Variants in ZCCHC24 observed in about 807,000 individuals in gnomAD.
ZCCHC24 encodes zinc finger CCHC-type containing 24.
A neutral mutation model predicts 26.2 loss-of-function variants in ZCCHC24; 10 were observed. The ratio of observed to expected loss-of-function variants is 0.38; its 90% CI spans 0.24 to 0.65. The LOEUF is 0.65. Among genes scored for constraint, ZCCHC24 ranks in the 30% least tolerant of loss-of-function variants. ZCCHC24 has a pLI of 0.54. For missense variants in ZCCHC24, 243 were observed against 329.1 expected (o/e 0.74, Z 2.03); for synonymous variants, 144 against 147.1 (o/e 0.98, Z 0.15).
intron 1 of ZCCHC24, among the ~76,000 whole-genome samples, chr10:79,443,050 C>A (rs1282462464): frequency 1.6e-4 from 25 of 152,268 alleles, no homozygotes; most frequent in Non-Finnish European, 7.4e-5. Context: ...ATAGATATAC[C>A]ATCCTGGGGT....
intron 2 of ZCCHC24, among the ~76,000 whole-genome samples, chr10:79,402,526 C>T (rs1413705412): frequency 6.6e-6 from 1 of 152,250 alleles, no homozygotes; most frequent in Admixed American, 6.5e-5. Context: ...ACGCCCGCCT[C>T]GGCCTCCCAA....
intron 2 of ZCCHC24, among the ~76,000 whole-genome samples, chr10:79,406,127 A>G (rs1324752037): frequency 6.6e-6 from 1 of 152,220 alleles, no homozygotes; most frequent in African/African-American, 2.4e-5. Flanking sequence ...CTGGCCACGC[A>G]CACAACCTGT....
intron 2 of ZCCHC24, among the ~76,000 whole-genome samples, chr10:79,430,209 T>C (rs1857106362): frequency 6.6e-6 from 1 of 152,134 alleles, no homozygotes; most frequent in Non-Finnish European, 1.5e-5. Context: ...CTTAGCCTCA[T>C]GGGACAGGCG....
intron 2 of ZCCHC24, among the ~76,000 whole-genome samples, chr10:79,413,507 TAC>T (rs1477517415): frequency 8.5e-5 from 13 of 152,346 alleles, no homozygotes; most frequent in African/African-American, 3.1e-4. Flanking sequence ...TCCGCCAGGC[TAC>T]AGGCTTTAAA....
intron 2 of ZCCHC24, among the ~76,000 whole-genome samples, chr10:79,417,955 G>T (rs1250266428): frequency 2.0e-5 from 3 of 152,134 alleles, no homozygotes; most frequent in African/African-American, 7.2e-5. Context: ...GCCCCAGCTG[G>T]GCCACCTCCC....
rs78884079 is a variant in ZCCHC24, at chr10:79,444,551, A to T, written c.246+644T>A. ...TCCTTCGAGGCTGGGAGGGCTGGGG[A>T]CAGCGCAGTCTGTGGGGTCAAGCCC... On this transcript the variant is annotated intron_variant, in intron 1 of 3. Transcript: ENST00000372336. Among the ~76,000 whole-genome samples, 1,421 of 149,928 alleles carry T rather than the reference A, an allele frequency of 9.5e-3. 55 individuals carry two copies. The East Asian group carries it at 0.14, about 15-fold the overall frequency.
In ZCCHC24 at chr10:79,392,757, C is replaced by T. The variant is rs577095195; in HGVS notation, c.612+1519G>A. ...GCTCCATGGACACTGCCTTGACTTT[C>T]AGGCCAGCTACAAATCAGCACCTCC... On this transcript the variant is annotated intron_variant, in intron 3 of 3. Coordinates refer to ENST00000372336, the MANE Select transcript of ZCCHC24 (RefSeq NM_153367.4). Among the ~76,000 whole-genome samples the T allele has an allele frequency of 1.1e-3, 171 of 152,374 alleles. 3 individuals carry two copies. Among genetic ancestry groups the T allele is most frequent in the African/African-American group, 4.0e-3 (168 of 41,586 alleles).
At position 79,386,044 on chromosome 10, in the gene ZCCHC24, G is replaced by T. The variant is rs1856387215; in HGVS notation, c.*301C>A. The T allele has an allele frequency of 1.1e-5, 6 of 532,566 alleles. No individual in the cohort carries two copies. The South Asian group carries it at 1.8e-4, about 16-fold the overall frequency. 33.0% of individuals were successfully genotyped at this position (532,566 alleles called of 1,614,324 possible). ...GAGGCTCTCAGAGGCGAGCCTGTGGGGACACCCAGGGCTCCTGGACATGGG... is the reference window on the plus strand; with the variant it reads ...GAGGCTCTCAGAGGCGAGCCTGTGGTGACACCCAGGGCTCCTGGACATGGG... On this transcript the variant is annotated 3_prime_UTR_variant, in exon 4 of 4. Transcript: ENST00000372336.
chr10:79,416,932 AAT>A (rs1483676773), intron 2 of ZCCHC24, among the ~76,000 whole-genome samples: 1 of 152,122 alleles, frequency 6.6e-6, no homozygotes, highest in Non-Finnish European at 1.5e-5. Flanking sequence ...CTGTGCTGTT[AAT>A]ATGTTTCCCT....
intron 2 of ZCCHC24, among the ~76,000 whole-genome samples, chr10:79,421,847 T>C (rs533529554): frequency 1.5e-4 from 23 of 152,242 alleles, no homozygotes; most frequent in Admixed American, 5.2e-4. Flanking sequence ...CGGGCTGGTC[T>C]CAAACTCCTG....
chr10:79,385,874 A>C lies in ZCCHC24; in HGVS notation c.*471T>G. 5 of 318,092 alleles carry C rather than the reference A, an allele frequency of 1.6e-5. No individual in the cohort carries two copies. The highest frequency in any genetic ancestry group is 5.0e-5 in the East Asian group (1 of 19,980). 19.7% of individuals were successfully genotyped at this position (318,092 alleles called of 1,614,324 possible). On this transcript the variant is annotated 3_prime_UTR_variant, in exon 4 of 4. Coordinates refer to ENST00000372336, the MANE Select transcript of ZCCHC24 (RefSeq NM_153367.4). The surrounding 1 kb of genome is among the most constrained non-coding windows in gnomAD (Gnocchi z 4.3). ...CCTTGCCACGATTGCTGACTCAGGA[A>C]AGAGGGATTTCTGAGAGTGGCTTTC...
In ZCCHC24 at chr10:79,404,491, C is replaced by T. The variant is rs563679887; in HGVS notation, c.448-10051G>A. Among the ~76,000 whole-genome samples the T allele has an allele frequency of 4.6e-5, 7 of 152,254 alleles. No individual in the cohort carries two copies. The South Asian group carries it at 6.2e-4, about 14-fold the overall frequency. On this transcript the variant is annotated intron_variant, in intron 2 of 3. Transcript: ENST00000372336. ...GATTGCAAAAGACAGAGGTTTCCTC[C>T]GCCACTGCAGAGACAGGGATTGCTG...
At chr10:79,435,901 G>T (rs1172500630) in intron 1 of ZCCHC24, among the ~76,000 whole-genome samples, 1 of 135,946 alleles carries the variant, frequency 7.4e-6, no homozygotes, top group East Asian at 2.3e-4. Context: ...TGGAACAGAG[G>T]CCAGGACCCA....
Position 79,417,694 on chromosome 10 carries a change from G to C in ZCCHC24, c.447+14864C>G, listed in dbSNP as rs189342099. On this transcript the variant is annotated intron_variant, in intron 2 of 3. Transcript: ENST00000372336. ...TGGGCCACAGATGACATCCAGGTGA[G>C]TGTAAGAACCCAGCCAGCAAATGAG... is the stretch of plus-strand genomic sequence containing the variant. Among the ~76,000 whole-genome samples, 466 of 152,326 alleles carry C rather than the reference G, an allele frequency of 3.1e-3. 3 individuals carry two copies. Among genetic ancestry groups the C allele is most frequent in the Non-Finnish European group, 4.1e-3 (279 of 68,020 alleles).
intron 2 of ZCCHC24, among the ~76,000 whole-genome samples, chr10:79,417,620 A>G (rs1250729774): frequency 6.6e-6 from 1 of 152,172 alleles, no homozygotes; most frequent in African/African-American, 2.4e-5. Flanking sequence ...AGAAAAGAGG[A>G]AGAAAGGATG....
intron 2 of ZCCHC24, among the ~76,000 whole-genome samples, chr10:79,407,808 A>C (rs1856739770): frequency 6.6e-6 from 1 of 152,196 alleles, no homozygotes. Flanking sequence ...TGGTTGCAGG[A>C]CAGTGAGGCT....
intron 2 of ZCCHC24, among the ~76,000 whole-genome samples, chr10:79,412,192 C>T (rs749014355): frequency 3.3e-5 from 5 of 152,228 alleles, no homozygotes; most frequent in East Asian, 1.9e-4. Context: ...CGGAACGCAC[C>T]GTGGCATGAC....
Position 79,423,581 on chromosome 10 carries a change from C to CTATATATATATTTTTTA in ZCCHC24, c.447+8976_447+8977insTAAAAAATATATATATA. On this transcript the variant is annotated intron_variant, in intron 2 of 3. Coordinates refer to ENST00000372336, the MANE Select transcript of ZCCHC24 (RefSeq NM_153367.4). ...AACAAAAACAAACAAAATATATATA[C>CTATATATATATTTTTTA]TATATATATATATATATATATATAT... Among the ~76,000 whole-genome samples the CTATATATATATTTTTTA allele has an allele frequency of 3.5e-4, 19 of 53,766 alleles. 3 individuals carry two copies. The East Asian group carries it at 6.7e-3, about 19-fold the overall frequency. The allele number at this position is 53,766 out of a possible 152,430, so 35.3% of individuals were successfully genotyped here. A position where few individuals can be genotyped will look rare whatever the true frequency, so the allele number is the denominator to read the frequency against.
At chr10:79,416,720 C>G (rs531511292) in intron 2 of ZCCHC24, among the ~76,000 whole-genome samples, 1 of 152,266 alleles carries the variant, frequency 6.6e-6, no homozygotes, top group East Asian at 1.9e-4. Context: ...GCCTCTGAAG[C>G]AAGACTGCTG....
Sources: allele counts gnomAD v4.1 joint callset (sites outside exome capture counted in the v4.1 genomes callset), GRCh38; gene constraint gnomAD v4.1.1; non-coding constraint Gnocchi (gnomAD v3.1); transcripts MANE v1.5; gene names NCBI Gene and HGNC (gene_info 2026-07-23, HGNC 2026-07-21).